Variants in BACE1 observed in about 807,000 individuals in gnomAD.
BACE1 encodes the protein APP beta-secretase.
In BACE1, 21 loss-of-function variants were observed where a neutral mutation model predicts 54.0. That is an observed-to-expected ratio of 0.39 (90% CI 0.28 to 0.56). BACE1 has a LOEUF of 0.56. Ranked by LOEUF, BACE1 falls within the 20% of genes least tolerant of loss-of-function variation. The pLI, the probability that BACE1 is intolerant of heterozygous loss-of-function variation, is 0.63. For missense variants in BACE1, 511 were observed against 661.2 expected (o/e 0.77, Z 2.49); for synonymous variants, 232 against 260.9 (o/e 0.89, Z 1.07).
chr11:117,312,945 TTC>T (rs2034983934), intron 1 of BACE1, among the ~76,000 whole-genome samples: 1 of 152,200 alleles, frequency 6.6e-6, no homozygotes, highest in African/African-American at 2.4e-5. Context: ...GCCCTTTCAC[TTC>T]CACTGTAACT....
chr11:117,311,992 T>G (rs525493), intron 1 of BACE1, among the ~76,000 whole-genome samples: 69,759 of 152,050 alleles, frequency 0.46, 16,433 homozygotes, highest in East Asian at 0.8. Flanking sequence ...TTTCTTCATG[T>G]CATTCCCCTG....
chr11:117,298,725 C>G (rs1479818947), intron 1 of BACE1, among the ~76,000 whole-genome samples: 1 of 152,192 alleles, frequency 6.6e-6, no homozygotes, highest in Non-Finnish European at 1.5e-5. Context: ...CTGGTGAAAA[C>G]CCATCTTGTC....
At chr11:117,290,423 AACTG>A (rs2034388981) in intron 8 of BACE1, 61 bp downstream of exon 8, 21 of 1,572,294 alleles carry the variant, frequency 1.3e-5, no homozygotes, top group Non-Finnish European at 1.8e-5. Context: ...CAGGTATACT[AACTG>A]TTGTTTGACA....
At chr11:117,297,035 G>A (rs2034617400) in intron 1 of BACE1, 74 bp from the exon 2 acceptor site, 34 of 1,111,628 alleles carry the variant, frequency 3.1e-5, no homozygotes, top group Non-Finnish European at 3.9e-5. Flanking sequence ...TATCCCTCAC[G>A]CCCCAGCCAC....
chr11:117,312,048 A>G (rs1191411792), intron 1 of BACE1, among the ~76,000 whole-genome samples: 2 of 152,254 alleles, frequency 1.3e-5, no homozygotes, highest in Non-Finnish European at 2.9e-5. Context: ...GCCAAAGTCC[A>G]AACCTTATAG....
At chr11:117,310,685 T>C (rs993577440) in intron 1 of BACE1, among the ~76,000 whole-genome samples, 4 of 152,194 alleles carry the variant, frequency 2.6e-5, no homozygotes, top group African/African-American at 9.7e-5. Flanking sequence ...CCTCCCAAAG[T>C]GCTGGGATTA....
chr11:117,292,370 TG>T (rs1449156197), intron 5 of BACE1: 1 of 152,218 alleles, frequency 6.6e-6, no homozygotes, highest in Admixed American at 6.5e-5. Context: ...TTAGTAGAGA[TG>T]GGGTTTCACC....
At position 117,286,903 on chromosome 11, in the gene BACE1, G is replaced by A. The variant is rs2034278655; in HGVS notation, c.*2663C>T. 6.6e-6 allele frequency: 1 copy of A among 152,602 alleles called. No homozygotes were observed. Among genetic ancestry groups the A allele is most frequent in the Admixed American group, 6.5e-5 (1 of 15,274 alleles). 9.5% of individuals were successfully genotyped at this position (152,602 alleles called of 1,614,324 possible). ...GGAAAGGTGGCAAAATGGAAGACCA[G>A]TTCTATTGTTCTTTTTGTTTAGGGG... is the stretch of plus-strand genomic sequence containing the variant. On this transcript the variant is annotated 3_prime_UTR_variant, in exon 9 of 9. Transcript: ENST00000313005.
In BACE1 at chr11:117,290,649, C is replaced by A. The variant is rs2034398436; in HGVS notation, c.1103G>T (p.Arg368Leu). The A allele has an allele frequency of 6.2e-7, 1 of 1,613,892 alleles. No individual in the cohort carries two copies. ...RITILPQQYL[R>L]PVEDVATSQD... ...GGACGTGGCCACATCTTCCACTGGC[C>A]GCAGGTATTGCTAGGGGTAAGCAAT... The change falls in exon 8 of 9, where the codon CGG (arginine) becomes CTG (leucine). Residue 368 changes from arginine to leucine, a missense_variant. Transcript: ENST00000313005.
intron 5 of BACE1, 168 bp from the exon 6 acceptor site, chr11:117,291,981 C>G: frequency 2.0e-6 from 1 of 489,846 alleles, no homozygotes; most frequent in Non-Finnish European, 3.8e-6. Context: ...TCCTTCATCT[C>G]TAAAGTGAGG....
intron 2 of BACE1, chr11:117,295,638 C>CCTG (rs142572406): frequency 1.4e-4 from 208 of 1,527,032 alleles, no homozygotes; most frequent in African/African-American, 1.2e-3. Flanking sequence ...GTGCATTGTG[C>CCTG]CTGCTGCTGC....
Position 117,296,862 on chromosome 11 carries a change from C to T in BACE1, c.350+11G>A, listed in dbSNP as rs764915240. 1.4e-5 allele frequency: 23 copies of T among 1,610,582 alleles called. No individual in the cohort carries two copies. The highest frequency in any genetic ancestry group is 1.9e-5 in the Non-Finnish European group (22 of 1,177,652). On this transcript the variant is annotated intron_variant, in intron 2 of 8. Transcript: ENST00000313005. The stretch of plus-strand genomic sequence containing the variant: ...AAAAGGTACTTCCCCCGGGCTCTCC[C>T]CAGGACTCACAGCTGCCTCTGGTAG...
At chr11:117,297,215 A>G (rs2034621819) in intron 1 of BACE1, 2 of 446,326 alleles carry the variant, frequency 4.5e-6, no homozygotes, top group South Asian at 3.6e-5. Context: ...ACCAACTGAA[A>G]AAAGGCAGAT....
chr11:117,296,752 C>G, intron 2 of BACE1, 121 bp downstream of exon 2: 1 of 780,432 alleles, frequency 1.3e-6, no homozygotes. Context: ...TTCGCCCTTC[C>G]CCTTCCCTGG....
In BACE1 at chr11:117,300,697, C is replaced by T. The variant is rs78751065; in HGVS notation, c.262-3736G>A. On this transcript the variant is annotated intron_variant, in intron 1 of 8. Transcript: ENST00000313005. ...TGCCTGCGGCTGCCCCTTCCAGGCTCCTCATGAGCTGCCACCTGTGCTGGG... is the reference window on the plus strand; with the variant it reads ...TGCCTGCGGCTGCCCCTTCCAGGCTTCTCATGAGCTGCCACCTGTGCTGGG... Among the ~76,000 whole-genome samples, 1,433 of 152,186 alleles carry T rather than the reference C, an allele frequency of 9.4e-3. 21 individuals are homozygous for T. Among genetic ancestry groups the T allele is most frequent in the Non-Finnish European group, 0.015 (1,041 of 67,998 alleles).
rs2035084020 is a variant in BACE1 at position 117,315,467 on chromosome 11, G to A, written c.261+68C>T. The A allele has an allele frequency of 6.5e-7, 1 of 1,532,458 alleles. No individual in the cohort carries two copies. Among genetic ancestry groups the A allele is most frequent in the Non-Finnish European group, 8.7e-7 (1 of 1,146,990 alleles). The allele number at this position is 1,532,458 out of a possible 1,614,324, so 94.9% of individuals were successfully genotyped here. ...CCCATTTGAGCAGGGGCTAGCTTGA[G>A]GCATCCCCATCCTGTCTCCCCTCTG... is the stretch of plus-strand genomic sequence containing the variant. On this transcript the variant is annotated intron_variant, in intron 1 of 8. Coordinates refer to ENST00000313005, the MANE Select transcript of BACE1 (RefSeq NM_012104.6). The surrounding 1 kb of genome is among the most constrained non-coding windows in gnomAD (Gnocchi z 5.5).
In BACE1 at chr11:117,290,527, C is replaced by T. The variant is rs1217709930; in HGVS notation, c.1225G>A (p.Ala409Thr). The change falls in exon 8 of 9, where the codon GCC (alanine) becomes ACC (threonine). Residue 409 changes from alanine (A) to threonine (T), a missense_variant. Coordinates refer to ENST00000313005, the MANE Select transcript of BACE1 (RefSeq NM_012104.6). ...ACAGCAAAGCCAATTCGTTTTCGGG[C>T]CCGATCAAAGACAACGTAGAAGCCC... ...MEGFYVVFDR[A>T]RKRIGFAVSA... 2 of 1,614,202 alleles carry T rather than the reference C, an allele frequency of 1.2e-6. No individual in the cohort carries two copies. Among genetic ancestry groups the T allele is most frequent in the Admixed American group, 3.3e-5 (2 of 60,010 alleles).
Position 117,295,760 on chromosome 11 carries a change from C to T in BACE1, c.351-413G>A, listed in dbSNP as rs982721754. On this transcript the variant is annotated intron_variant, in intron 2 of 8. Coordinates refer to ENST00000313005, the MANE Select transcript of BACE1 (RefSeq NM_012104.6). Reference sequence around the variant, plus strand: ...CTGCCTTGGAACCTAGTGGTACCATCCGAGTGGTAGAGAAAGTGCCAGGCA... The same window carrying T: ...CTGCCTTGGAACCTAGTGGTACCATTCGAGTGGTAGAGAAAGTGCCAGGCA... 6.5e-6 allele frequency: 9 copies of T among 1,375,930 alleles called. No individual in the cohort carries two copies. In the Admixed American group the frequency reaches 2.5e-4, roughly 38 times the overall value. 85.2% of individuals were successfully genotyped at this position (1,375,930 alleles called of 1,614,324 possible). A position where few individuals can be genotyped will look rare whatever the true frequency, so the allele number is the denominator to read the frequency against.
At position 117,291,600 on chromosome 11, in the gene BACE1, T is replaced by TGAGTA. The variant is rs1468637570; in HGVS notation, c.942+107_942+111dup. The TGAGTA allele has an allele frequency of 2.4e-5, 18 of 750,520 alleles. No homozygotes were observed. In the African/African-American group the frequency reaches 3.0e-4, roughly 12 times the overall value. 46.5% of individuals were successfully genotyped at this position (750,520 alleles called of 1,614,324 possible). On this transcript the variant is annotated intron_variant, in intron 6 of 8. Transcript: ENST00000313005. ...TAGGGGAAGAGTGTTTTAAGAGCTCTGAGTAGAAGGGTCTAAGTGCAGACA... is the reference window on the plus strand; with the variant it reads ...TAGGGGAAGAGTGTTTTAAGAGCTCTGAGTAGAGTAGAAGGGTCTAAGTGCAGACA...
Sources: allele counts gnomAD v4.1 joint callset (sites outside exome capture counted in the v4.1 genomes callset), GRCh38; gene constraint gnomAD v4.1.1; non-coding constraint Gnocchi (gnomAD v3.1); transcripts MANE v1.5; gene names NCBI Gene and HGNC (gene_info 2026-07-23, HGNC 2026-07-21).